The following KHDRBS2 variants were observed in gnomAD, a reference collection of about 807,000 sequenced individuals.
The protein encoded by KHDRBS2 is KH RNA binding domain containing, signal transduction associated 2, also known as KH domain-containing, RNA-binding, signal transduction-associated protein 2.
In KHDRBS2, 26 loss-of-function variants were observed where a neutral mutation model predicts 44.3. The ratio of observed to expected loss-of-function variants is 0.59; its 90% CI spans 0.43 to 0.81. The LOEUF is 0.81. Among genes scored for constraint, KHDRBS2 ranks in the 40% least tolerant of loss-of-function variants. The probability of loss-of-function intolerance (pLI) is 0.00; values close to 1 mark genes in which losing one functional copy is unlikely to be tolerated. For synonymous variants in KHDRBS2, 194 were observed against 151.1 expected (o/e 1.28, Z -2.08); for missense variants, 476 against 433.1 (o/e 1.10, Z -0.88).
chr6:62,080,496 G>T (rs576746180), intron 2 of KHDRBS2, among the ~76,000 whole-genome samples: 25 of 152,174 alleles, frequency 1.6e-4, no homozygotes, highest in African/African-American at 5.5e-4. Context: ...ACGCATAAAT[G>T]ATCCCAAAGT....
intron 4 of KHDRBS2, among the ~76,000 whole-genome samples, chr6:61,906,500 T>A (rs1805052114): frequency 6.6e-6 from 1 of 152,100 alleles, no homozygotes; most frequent in African/African-American, 2.4e-5. Context: ...ACTCATTCTA[T>A]CTAACTATAT....
rs1771466154 is a variant in KHDRBS2 at position 61,716,584 on chromosome 6, C to A, written c.893+16098G>T. Reference sequence around the variant, plus strand: ...TTTTAAAAAAACCTAGGCTACATGGCCACAATATCCTAATGTTGAAAAAAC... The same window carrying A: ...TTTTAAAAAAACCTAGGCTACATGGACACAATATCCTAATGTTGAAAAAAC... On this transcript the variant is annotated intron_variant, in intron 7 of 8. Coordinates refer to ENST00000281156, the MANE Select transcript of KHDRBS2 (RefSeq NM_152688.4). Among the ~76,000 whole-genome samples, 3 of 151,968 alleles carry A rather than the reference C, an allele frequency of 2.0e-5. No homozygotes were observed. In the South Asian group the frequency reaches 6.2e-4, roughly 32 times the overall value.
chr6:62,220,359 T>G (rs1830704846), intron 1 of KHDRBS2, among the ~76,000 whole-genome samples: 1 of 151,880 alleles, frequency 6.6e-6, no homozygotes, highest in African/African-American at 2.4e-5. Context: ...AGTAGCTACA[T>G]GAGGAAACCT....
Position 62,262,723 on chromosome 6 carries a change from C to G in KHDRBS2, c.91+23135G>C, listed in dbSNP as rs576983166. ...TTTGATTCCTACATCTAGCACAGTG[C>G]TTAAAACATGGTTATACTCAATTAG... On this transcript the variant is annotated intron_variant, in intron 1 of 8. Coordinates refer to ENST00000281156, the MANE Select transcript of KHDRBS2 (RefSeq NM_152688.4). Among the ~76,000 whole-genome samples the G allele has an allele frequency of 1.6e-3, 239 of 151,554 alleles. 1 individual carries two copies. Among genetic ancestry groups the G allele is most frequent in the African/African-American group, 5.4e-3 (222 of 41,442 alleles).
chr6:62,038,645 C>G (rs185557816), intron 3 of KHDRBS2, among the ~76,000 whole-genome samples: 43 of 152,118 alleles, frequency 2.8e-4, no homozygotes, highest in African/African-American at 8.9e-4. Context: ...CAGAATTTTT[C>G]TCGTTAACAT....
intron 6 of KHDRBS2, among the ~76,000 whole-genome samples, chr6:61,857,082 G>A (rs1461974861): frequency 6.6e-6 from 1 of 151,992 alleles, no homozygotes; most frequent in Non-Finnish European, 1.5e-5. Flanking sequence ...TATATTCATA[G>A]TAATTCCAGT....
Position 62,167,167 on chromosome 6 carries a change from G to C in KHDRBS2, c.219+10018C>G, listed in dbSNP as rs192272976. 3.7e-3 allele frequency among the ~76,000 whole-genome samples: 561 copies of C among 152,062 alleles called. 2 individuals are homozygous for C. The highest frequency in any genetic ancestry group is 0.013 in the African/African-American group (542 of 41,506). Reference sequence around the variant, plus strand: ...TGAGGTATGAGAAGGAAAGGGCTAGGGGTTTTGTTGCAGAATGAAAACAAC... The same window carrying C: ...TGAGGTATGAGAAGGAAAGGGCTAGCGGTTTTGTTGCAGAATGAAAACAAC... On this transcript the variant is annotated intron_variant, in intron 2 of 8. Transcript: ENST00000281156.
At chr6:61,636,235 C>G in the KHDRBS2 span, among the ~76,000 whole-genome samples, 1 of 151,954 alleles carries the variant, frequency 6.6e-6, no homozygotes, top group Non-Finnish European at 1.5e-5. Flanking sequence ...TGAGAAACAT[C>G]CTCTTTACTT....
chr6:61,593,458 T>A, the KHDRBS2 span, among the ~76,000 whole-genome samples: 1 of 135,062 alleles, frequency 7.4e-6, no homozygotes, highest in Non-Finnish European at 1.6e-5. Context: ...GGAATCTCAT[T>A]ACAAATGTAC....
chr6:61,550,185 A>G, the KHDRBS2 span, among the ~76,000 whole-genome samples: 6 of 152,012 alleles, frequency 3.9e-5, no homozygotes, highest in Admixed American at 6.6e-5. Context: ...TAGTTTTTCA[A>G]TCCTCGCCCT....
intron 1 of KHDRBS2, among the ~76,000 whole-genome samples, chr6:62,248,023 T>C (rs1488615334): frequency 6.6e-6 from 1 of 152,096 alleles, no homozygotes; most frequent in Non-Finnish European, 1.5e-5. Flanking sequence ...TAAATTATTT[T>C]TAGATAAGTT....
chr6:61,817,170 C>T (rs1431752113), intron 6 of KHDRBS2, among the ~76,000 whole-genome samples: 2 of 152,028 alleles, frequency 1.3e-5, no homozygotes, highest in African/African-American at 4.8e-5. Context: ...ATGATGATTC[C>T]ATTTCTTGAG....
At chr6:61,907,707 A>G (rs1461839301) in intron 4 of KHDRBS2, among the ~76,000 whole-genome samples, 1 of 152,234 alleles carries the variant, frequency 6.6e-6, no homozygotes, top group East Asian at 1.9e-4. Context: ...GTTCTTGTGC[A>G]TTGTTTTTAG....
chr6:61,705,183 T>C (rs1204140), intron 7 of KHDRBS2, among the ~76,000 whole-genome samples: 122,613 of 151,698 alleles, frequency 0.81, 49,913 homozygotes, highest in Non-Finnish European at 0.86. Flanking sequence ...TAATAACATC[T>C]GCAGTGAAAG....
intron 4 of KHDRBS2, among the ~76,000 whole-genome samples, chr6:61,949,814 A>G (rs1764373891): frequency 6.6e-6 from 1 of 152,086 alleles, no homozygotes; most frequent in African/African-American, 2.4e-5. Flanking sequence ...AGATCTAAAT[A>G]TATCTTCCTA....
intron 6 of KHDRBS2, among the ~76,000 whole-genome samples, chr6:61,761,355 A>G (rs1447146243): frequency 6.6e-6 from 1 of 152,216 alleles, no homozygotes; most frequent in Non-Finnish European, 1.5e-5. Flanking sequence ...GTATTCCTAT[A>G]AACACCTATT....
intron 8 of KHDRBS2, among the ~76,000 whole-genome samples, chr6:61,695,433 T>G (rs1767802471): frequency 6.6e-6 from 1 of 152,174 alleles, no homozygotes. Flanking sequence ...TAATGGAGGT[T>G]AGAGTAAACA....
intron 2 of KHDRBS2, among the ~76,000 whole-genome samples, chr6:62,060,563 T>C (rs1308627969): frequency 6.6e-6 from 1 of 151,724 alleles, no homozygotes; most frequent in Non-Finnish European, 1.5e-5. Flanking sequence ...TCATAATTTG[T>C]ATAACATTAT....
chr6:62,187,976 T>C (rs1823788583), intron 1 of KHDRBS2, among the ~76,000 whole-genome samples: 1 of 151,780 alleles, frequency 6.6e-6, no homozygotes, highest in African/African-American at 2.4e-5. Context: ...AAGCTTTTGG[T>C]CATGGCGAAA....
Sources: gnomAD v4.1 joint callset for allele counts (sites outside exome capture counted in the v4.1 genomes callset) on GRCh38, gnomAD v4.1.1 for gene constraint, MANE v1.5 for transcripts, NCBI Gene and HGNC (gene_info 2026-07-23, HGNC 2026-07-21) for gene names.